The following EPHA6 variants were observed in gnomAD, a reference collection of about 807,000 sequenced individuals.
EPHA6 encodes the protein EPH receptor A6.
EPHA6 carries 50 observed loss-of-function variants against 112.0 expected under a neutral mutation model. The observed-to-expected ratio is 0.45, with a 90% confidence interval of 0.36 to 0.56. EPHA6 has a LOEUF of 0.56. Ranked by LOEUF, EPHA6 falls within the 20% of genes least tolerant of loss-of-function variation. EPHA6 has a pLI of 0.00. For missense variants in EPHA6, 1,280 were observed against 1,417.4 expected (o/e 0.90, Z 1.56); for synonymous variants, 529 against 490.7 (o/e 1.08, Z -1.03).
chr3:97,085,946 TATAC>T (rs1460421639), intron 3 of EPHA6, among the ~76,000 whole-genome samples: 2 of 145,048 alleles, frequency 1.4e-5, no homozygotes, highest in African/African-American at 5.5e-5. Flanking sequence ...TATATATATA[TATAC>T]ACACTGAGAT....
Position 97,193,014 on chromosome 3 carries a change from C to T in EPHA6, c.1115-33250C>T, listed in dbSNP as rs557170146. Among the ~76,000 whole-genome samples, 22 of 152,110 alleles carry T rather than the reference C, an allele frequency of 1.4e-4. No homozygotes were observed. In the South Asian group the frequency reaches 3.9e-3, roughly 27 times the overall value. ...CTGGTCTTCGTGTCTGTTTTTATGC[C>T]GACACTATGCTGTTTTGGTTACAAT... On this transcript the variant is annotated intron_variant, in intron 3 of 17. Transcript: ENST00000389672.
intron 5 of EPHA6, among the ~76,000 whole-genome samples, chr3:97,318,105 A>T (rs1003251260): frequency 6.6e-6 from 1 of 151,970 alleles, no homozygotes; most frequent in Non-Finnish European, 1.5e-5. Flanking sequence ...GAAATACATA[A>T]ATCTATAGAG....
At chr3:97,433,374 A>T (rs780753006) in intron 6 of EPHA6, among the ~76,000 whole-genome samples, 3 of 152,004 alleles carry the variant, frequency 2.0e-5, no homozygotes, top group Middle Eastern at 3.4e-3. Flanking sequence ...TTAAACCTTA[A>T]TTTTTTTTGG....
At chr3:96,853,966 T>C (rs1237469523) in intron 1 of EPHA6, among the ~76,000 whole-genome samples, 4 of 152,060 alleles carry the variant, frequency 2.6e-5, no homozygotes, top group African/African-American at 4.8e-5. Flanking sequence ...GATTTTCTTA[T>C]AGTTGCTTTA....
At chr3:97,131,871 G>A (rs1316759752) in intron 3 of EPHA6, among the ~76,000 whole-genome samples, 3 of 152,088 alleles carry the variant, frequency 2.0e-5, no homozygotes, top group African/African-American at 7.2e-5. Context: ...AGCCATAGCA[G>A]GCAAACAACC....
intron 3 of EPHA6, among the ~76,000 whole-genome samples, chr3:97,194,063 A>C (rs1482210651): frequency 6.6e-6 from 1 of 151,804 alleles, no homozygotes; most frequent in Non-Finnish European, 1.5e-5. Flanking sequence ...TTATTGTTTC[A>C]ATTTTATTTC....
At chr3:96,888,302 T>C (rs2037755509) in intron 2 of EPHA6, among the ~76,000 whole-genome samples, 1 of 152,168 alleles carries the variant, frequency 6.6e-6, no homozygotes, top group Admixed American at 6.5e-5. Context: ...CTCTCCAAAT[T>C]GACTCAGCTC....
At chr3:97,738,961 T>G (rs1192257654) in intron 16 of EPHA6, among the ~76,000 whole-genome samples, 1 of 152,032 alleles carries the variant, frequency 6.6e-6, no homozygotes, top group Non-Finnish European at 1.5e-5. Flanking sequence ...TGCTCCACCC[T>G]CTTACTTGCA....
chr3:97,747,602 G>T, intron 17 of EPHA6, 30 bp downstream of exon 17: 1 of 1,547,994 alleles, frequency 6.5e-7, no homozygotes, highest in Non-Finnish European at 8.7e-7. Flanking sequence ...TTACTGTAAC[G>T]AGATGTCCTG....
intron 3 of EPHA6, among the ~76,000 whole-genome samples, chr3:97,008,384 G>T (rs1170970691): frequency 6.6e-6 from 1 of 151,964 alleles, no homozygotes; most frequent in African/African-American, 2.4e-5. Flanking sequence ...CCTTTCTTCC[G>T]CTGGGTCGAT....
At chr3:96,898,872 A>G (rs926545843) in intron 2 of EPHA6, among the ~76,000 whole-genome samples, 3 of 151,792 alleles carry the variant, frequency 2.0e-5, no homozygotes, top group Non-Finnish European at 4.4e-5. Context: ...TACTAAAAAT[A>G]CAAAAATTAG....
chr3:97,683,851 T>C (rs2032047854), intron 14 of EPHA6, among the ~76,000 whole-genome samples: 1 of 152,140 alleles, frequency 6.6e-6, no homozygotes, highest in African/African-American at 2.4e-5. Context: ...GAAAAGGAAT[T>C]GTTCATTAAG....
At chr3:97,429,631 G>T (rs1241546873) in intron 6 of EPHA6, among the ~76,000 whole-genome samples, 1 of 145,290 alleles carries the variant, frequency 6.9e-6, no homozygotes, top group Non-Finnish European at 1.5e-5. Context: ...AAGTTTAAAT[G>T]AAGTTTATTC....
chr3:97,747,394 A>ATGTTT (rs574327547), intron 16 of EPHA6, 29 bp from the exon 17 acceptor site: 27 of 1,486,062 alleles, frequency 1.8e-5, no homozygotes, highest in Admixed American at 9.9e-5. Context: ...AATGCTCTCC[A>ATGTTT]TGTTTTGTTT....
intron 3 of EPHA6, among the ~76,000 whole-genome samples, chr3:97,098,047 A>T (rs1304127560): frequency 6.6e-6 from 1 of 152,006 alleles, no homozygotes; most frequent in Non-Finnish European, 1.5e-5. Context: ...TGGCACTCAC[A>T]TAATATTTAC....
chr3:97,466,405 A>G, intron 7 of EPHA6: 9 of 1,607,438 alleles, frequency 5.6e-6, no homozygotes, highest in Non-Finnish European at 7.7e-6. Context: ...CTCTTGGTTC[A>G]TTATATTCCA....
chr3:96,822,141 G>A (rs906949850), intron 1 of EPHA6, among the ~76,000 whole-genome samples: 4 of 151,814 alleles, frequency 2.6e-5, no homozygotes, highest in East Asian at 1.9e-4. Context: ...GTATAAATAT[G>A]CATTTTACAA....
At chr3:97,528,942 T>C (rs964319299) in intron 10 of EPHA6, among the ~76,000 whole-genome samples, 2 of 152,164 alleles carry the variant, frequency 1.3e-5, no homozygotes, top group Admixed American at 6.5e-5. Flanking sequence ...TAGACTGTGG[T>C]GATTTTTCTA....
intron 3 of EPHA6, among the ~76,000 whole-genome samples, chr3:97,191,107 T>C (rs1436539928): frequency 6.6e-6 from 1 of 152,080 alleles, no homozygotes; most frequent in Non-Finnish European, 1.5e-5. Context: ...CTGCTTAGAA[T>C]AATTTGTAAA....
Sources: gnomAD v4.1 joint callset for allele counts (sites outside exome capture counted in the v4.1 genomes callset) on GRCh38, gnomAD v4.1.1 for gene constraint, MANE v1.5 for transcripts, NCBI Gene and HGNC (gene_info 2026-07-23, HGNC 2026-07-21) for gene names.